Variants in RSBN1L observed in about 807,000 individuals in gnomAD.
RSBN1L encodes the protein lysine-specific demethylase RSBN1L.
In RSBN1L, 30 loss-of-function variants were observed where a neutral mutation model predicts 67.7. The ratio of observed to expected loss-of-function variants is 0.44; its 90% CI spans 0.33 to 0.60. The LOEUF is 0.60. Ranked by LOEUF, RSBN1L falls within the 20% of genes least tolerant of loss-of-function variation. The pLI, the probability that RSBN1L is intolerant of heterozygous loss-of-function variation, is 0.02. For missense variants in RSBN1L, 992 were observed against 1,031.7 expected, an observed-to-expected ratio of 0.96 and a Z score of 0.53; for synonymous variants, 433 against 387.0, an observed-to-expected ratio of 1.12 and a Z score of -1.39.
intron 2 of RSBN1L, among the ~76,000 whole-genome samples, chr7:77,736,899 ATCT>A (rs1791344758): frequency 6.6e-6 from 1 of 152,210 alleles, no homozygotes. Flanking sequence ...GAAGTAAGTG[ATCT>A]TCTTAAAAAT....
chr7:77,768,281 G>A (rs2150432592), intron 4 of RSBN1L: 1 of 158,436 alleles, frequency 6.3e-6, no homozygotes, highest in African/African-American at 2.4e-5. Context: ...AATCAAAGAG[G>A]TATCCAGTTT....
At chr7:77,725,161 G>A (rs1584283259) in intron 1 of RSBN1L, among the ~76,000 whole-genome samples, 1 of 145,362 alleles carries the variant, frequency 6.9e-6, no homozygotes, top group Non-Finnish European at 1.5e-5. Flanking sequence ...CCTTTCTCTT[G>A]CAGAAGTTTC....
At chr7:77,748,949 C>T (rs1414586658) in intron 2 of RSBN1L, among the ~76,000 whole-genome samples, 2 of 152,050 alleles carry the variant, frequency 1.3e-5, no homozygotes, top group East Asian at 1.9e-4. Flanking sequence ...GTCTCTCTCT[C>T]GCTGTGTACA....
intron 2 of RSBN1L, among the ~76,000 whole-genome samples, chr7:77,747,234 A>G (rs1791496234): frequency 6.6e-6 from 1 of 152,246 alleles, no homozygotes; most frequent in Non-Finnish European, 1.5e-5. Flanking sequence ...TTGTCAGGGA[A>G]GAGTTCAAGC....
In RSBN1L at chr7:77,696,491, G is replaced by A. The variant is rs762645900; in HGVS notation, c.22G>A (p.Val8Met). The A allele has an allele frequency of 3.7e-6, 6 of 1,612,890 alleles. No individual in the cohort carries two copies. The South Asian group carries it at 4.4e-5, about 12-fold the overall frequency. Residue 8 changes from valine to methionine, a missense_variant, in exon 1 of 8, where the codon GTG becomes ATG. Val to Met is a conservative substitution (Grantham distance 21). Coordinates refer to ENST00000334955, the MANE Select transcript of RSBN1L (RefSeq NM_198467.3). MAEPPSP[V>M]HCVAAAAPTA... is the part of the protein sequence containing the mutation. ...CAAAATGGCGGAACCGCCGAGCCCCGTGCACTGTGTCGCTGCCGCGGCCCC... is the reference window on the plus strand; with the variant it reads ...CAAAATGGCGGAACCGCCGAGCCCCATGCACTGTGTCGCTGCCGCGGCCCC...
rs373860478 is a variant in RSBN1L at position 77,716,776 on chromosome 7, C to T, written c.587-19634C>T. Among the ~76,000 whole-genome samples the T allele has an allele frequency of 1.1e-4, 17 of 151,378 alleles. 1 individual carries two copies. The highest frequency in any genetic ancestry group is 8.3e-4 in the South Asian group (4 of 4,800). The stretch of plus-strand genomic sequence containing the variant: ...CCTCCCGAGTAGCTGGGATTACAGG[C>T]GTGCACCACCACGCCAGGCTATTTT... On this transcript the variant is annotated intron_variant, in intron 1 of 7. Coordinates refer to ENST00000334955, the MANE Select transcript of RSBN1L (RefSeq NM_198467.3).
chr7:77,762,053 A>G (rs1791702839), intron 3 of RSBN1L, among the ~76,000 whole-genome samples: 1 of 152,178 alleles, frequency 6.6e-6, no homozygotes, highest in Non-Finnish European at 1.5e-5. Context: ...TTAGTGGGCA[A>G]ATGGCATCTA....
rs186545071 is a variant in RSBN1L at position 77,781,569 on chromosome 7, C to A, written c.*2401C>A. On this transcript the variant is annotated 3_prime_UTR_variant, in exon 8 of 8. Transcript: ENST00000334955. ...TTAGGGTATCCCTCCAAAATAGGAG[C>A]CTTAAACTTTTTAACTTAAAGGAAG... is the stretch of plus-strand genomic sequence containing the variant. The A allele has an allele frequency of 6.6e-6, 1 of 152,222 alleles. No individual in the cohort carries two copies. Among genetic ancestry groups the A allele is most frequent in the Admixed American group, 6.5e-5 (1 of 15,286 alleles). 9.4% of individuals were successfully genotyped at this position (152,222 alleles called of 1,614,324 possible). A position where few individuals can be genotyped will look rare whatever the true frequency, so the allele number is the denominator to read the frequency against.
chr7:77,728,902 T>A lies in RSBN1L; in HGVS notation c.587-7508T>A, dbSNP rs1791240810. Among the ~76,000 whole-genome samples, 5 of 152,238 alleles carry A rather than the reference T, an allele frequency of 3.3e-5. No individual in the cohort carries two copies. In the South Asian group the frequency reaches 1.0e-3, roughly 32 times the overall value. On this transcript the variant is annotated intron_variant, in intron 1 of 7. Transcript: ENST00000334955. The stretch of plus-strand genomic sequence containing the variant: ...TTATCTGTACCTCAGGTTTGAGTTC[T>A]GGGATATTGCTAACGATAGTCTTGA...
intron 6 of RSBN1L, among the ~76,000 whole-genome samples, chr7:77,777,179 A>G (rs1791929512): frequency 6.6e-6 from 1 of 151,152 alleles, no homozygotes; most frequent in South Asian, 2.1e-4. Context: ...CCCCCCTCAC[A>G]TTTCTGGCCT....
intron 3 of RSBN1L, among the ~76,000 whole-genome samples, chr7:77,755,129 T>C (rs1212986103): frequency 4.6e-5 from 7 of 152,186 alleles, no homozygotes; most frequent in African/African-American, 7.2e-5. Context: ...GTCAGTATTC[T>C]AGGGGAAGGA....
intron 1 of RSBN1L, among the ~76,000 whole-genome samples, chr7:77,715,539 C>T (rs1791037095): frequency 6.6e-6 from 1 of 152,056 alleles, no homozygotes; most frequent in South Asian, 2.1e-4. Flanking sequence ...GAACTCCTGG[C>T]CTCAAGTGAT....
At chr7:77,739,097 G>C (rs566593141) in intron 2 of RSBN1L, among the ~76,000 whole-genome samples, 68 of 152,216 alleles carry the variant, frequency 4.5e-4, no homozygotes, top group Non-Finnish European at 7.9e-4. Flanking sequence ...CTATCTACGA[G>C]AAAGAATTTG....
intron 1 of RSBN1L, among the ~76,000 whole-genome samples, chr7:77,715,592 A>G (rs1791038548): frequency 6.6e-6 from 1 of 152,152 alleles, no homozygotes; most frequent in Non-Finnish European, 1.5e-5. Flanking sequence ...TACAGGCACG[A>G]CACTGTGCCT....
chr7:77,723,258 G>A (rs1367490792), intron 1 of RSBN1L, among the ~76,000 whole-genome samples: 2 of 152,028 alleles, frequency 1.3e-5, no homozygotes, highest in South Asian at 2.1e-4. Flanking sequence ...GAGCCACTGC[G>A]CCCGGCCAAC....
At position 77,696,859 on chromosome 7, in the gene RSBN1L, C is replaced by T. The variant is rs747576362; in HGVS notation, c.390C>T (p.Val130=). 3.7e-6 allele frequency: 6 copies of T among 1,611,944 alleles called. No homozygotes were observed. The African/African-American group carries it at 4.0e-5, about 11-fold the overall frequency. ...LSQPVPRKLL[V]PPTLLHAQPH... Reference sequence around the variant, plus strand: ...AGCCGGTGCCGCGCAAACTGCTGGTCCCTCCTACGCTGCTGCACGCTCAGC... The same window carrying T: ...AGCCGGTGCCGCGCAAACTGCTGGTTCCTCCTACGCTGCTGCACGCTCAGC... The change falls in exon 1 of 8, where the codon GTC becomes GTT. Residue 130 remains valine, a synonymous_variant. Transcript: ENST00000334955.
chr7:77,739,604 T>C (rs1434120368), intron 2 of RSBN1L, among the ~76,000 whole-genome samples: 1 of 145,426 alleles, frequency 6.9e-6, no homozygotes, highest in African/African-American at 2.6e-5. Flanking sequence ...TCCCAGCTAC[T>C]CGTGAGGCTG....
rs577578290 is a variant in RSBN1L, at chr7:77,771,592, C to T, written c.1626-1555C>T. Among the ~76,000 whole-genome samples the T allele has an allele frequency of 1.3e-4, 19 of 150,488 alleles. No individual in the cohort carries two copies. In the South Asian group the frequency reaches 3.8e-3, roughly 30 times the overall value. On this transcript the variant is annotated intron_variant, in intron 5 of 7. Coordinates refer to ENST00000334955, the MANE Select transcript of RSBN1L (RefSeq NM_198467.3). ...TGGCACAATCTCGGCTCACTGCAAC[C>T]TCTGCCTCCTGGGTTCAAGTGATTC...
rs1354507946 is a variant in RSBN1L, at chr7:77,780,193, GTGTATATATA to G, written c.*1037_*1046del. Reference sequence around the variant, plus strand: ...AGTGTGCATCTGCGTGTGTGTGAATGTGTATATATATGTATATATATATCATATTTTGCAT... The same window carrying G: ...AGTGTGCATCTGCGTGTGTGTGAATGTGTATATATATATCATATTTTGCAT... On this transcript the variant is annotated 3_prime_UTR_variant, in exon 8 of 8. Transcript: ENST00000334955. 2 of 151,910 alleles carry G rather than the reference GTGTATATATA, an allele frequency of 1.3e-5. No homozygotes were observed. The highest frequency in any genetic ancestry group is 2.9e-5 in the Non-Finnish European group (2 of 67,976). The allele number at this position is 151,910 out of a possible 1,614,324, so 9.4% of individuals were successfully genotyped here.
Sources: gnomAD v4.1 joint callset for allele counts (sites outside exome capture counted in the v4.1 genomes callset) on GRCh38, gnomAD v4.1.1 for gene constraint, MANE v1.5 for transcripts, NCBI Gene and HGNC (gene_info 2026-07-23, HGNC 2026-07-21) for gene names.